The following DNAJB1 variants were observed in gnomAD, a reference collection of about 807,000 sequenced individuals.
The protein encoded by DNAJB1 is DnaJ heat shock protein family (Hsp40) member B1.
DNAJB1 carries 14 observed loss-of-function variants against 24.0 expected under a neutral mutation model. That is an observed-to-expected ratio of 0.58 (90% CI 0.39 to 0.91). The LOEUF is 0.91. Among genes scored for constraint, DNAJB1 ranks in the 40% least tolerant of loss-of-function variants. The probability of loss-of-function intolerance (pLI) is 0.00; values close to 1 mark genes in which losing one functional copy is unlikely to be tolerated. For synonymous variants in DNAJB1, 262 were observed against 174.4 expected (o/e 1.50, Z -3.96); for missense variants, 517 against 458.1 (o/e 1.13, Z -1.17).
rs71166751 is a variant in DNAJB1 at position 14,525,333 on chromosome 19, G to GT, written c.-90+2392dup. Among the ~76,000 whole-genome samples, 11 of 147,608 alleles carry GT rather than the reference G, an allele frequency of 7.5e-5. No homozygotes were observed. The East Asian group carries it at 1.2e-3, about 16-fold the overall frequency. On this transcript the variant is annotated intron_variant, in intron 2 of 3. Coordinates refer to the DNAJB1 transcript ENST00000396969. The stretch of plus-strand genomic sequence containing the variant: ...CAGCAGGGTAAAATCTACTTTTTTT[G>GT]TTTTTTTTTTTGAGATGGAGTCTCA...
At chr19:14,556,032 A>C (rs1269187439) in intron 1 of DNAJB1, among the ~76,000 whole-genome samples, 1 of 152,112 alleles carries the variant, frequency 6.6e-6, no homozygotes, top group Non-Finnish European at 1.5e-5. Context: ...TCTGCTCAAG[A>C]ACCCTCTATG....
At chr19:14,523,150 G>T (rs891886268), upstream of DNAJB1, among the ~76,000 whole-genome samples, 3 of 151,848 alleles carry the variant, frequency 2.0e-5, no homozygotes, top group Non-Finnish European at 4.4e-5. Flanking sequence ...AGGTTGCAGT[G>T]AGCCAAGATC....
chr19:14,516,106 T>C lies in DNAJB1; in HGVS notation c.857A>G (p.Lys286Arg). Residue 286 changes from lysine to arginine, a missense_variant, in exon 3 of 3, where the codon AAA (lysine) becomes AGA (arginine). Lys to Arg is a conservative substitution (Grantham distance 26). Transcript: ENST00000254322. ...LDGRTIPVVF[K>R]DVIRPGMRRK... ...CCGCATGCCAGGCCTGATAACATCT[T>C]TGAATACGACGGGTATCGTCCTGCC... is the stretch of plus-strand genomic sequence containing the variant. The C allele has an allele frequency of 5.0e-6, 8 of 1,613,886 alleles. No individual in the cohort carries two copies. Among genetic ancestry groups the C allele is most frequent in the Non-Finnish European group, 6.8e-6 (8 of 1,179,970 alleles).
chr19:14,537,172 G>T, intron 1 of DNAJB1, among the ~76,000 whole-genome samples: 1 of 133,492 alleles, frequency 7.5e-6, no homozygotes, highest in African/African-American at 2.8e-5. Context: ...AGGCGGGGCC[G>T]GGGGGGAAGG....
At chr19:14,535,582 ATATATATGTATG>A (rs2072866664) in intron 1 of DNAJB1, among the ~76,000 whole-genome samples, 3 of 38,810 alleles carry the variant, frequency 7.7e-5, no homozygotes, top group African/African-American at 2.4e-4. Flanking sequence ...ATATATATAT[ATATATATGTATG>A]TATATATAAA....
At chr19:14,558,481 A>T (rs2073808015) in intron 1 of DNAJB1, among the ~76,000 whole-genome samples, 1 of 152,084 alleles carries the variant, frequency 6.6e-6, no homozygotes, top group African/African-American at 2.4e-5. Flanking sequence ...TCGTGCTGCG[A>T]CGAGTTGCTG....
chr19:14,518,036 G>C (rs1405513532), intron 1 of DNAJB1, 103 bp downstream of exon 1: 10 of 1,253,580 alleles, frequency 8.0e-6, no homozygotes, highest in Middle Eastern at 2.9e-4. Context: ...TCGGCCCCAC[G>C]GCCCGGGGCG....
chr19:14,518,074 CCAGCGTGCCTCA>C, intron 1 of DNAJB1, 53 bp downstream of exon 1: 1 of 1,368,140 alleles, frequency 7.3e-7, no homozygotes, highest in Non-Finnish European at 9.4e-7. Context: ...CCGAGAGGGG[CCAGCGTGCCTCA>C]GTTTCCCTGT....
At chr19:14,553,410 C>T (rs1480575022), upstream of DNAJB1, among the ~76,000 whole-genome samples, 1 of 152,154 alleles carries the variant, frequency 6.6e-6, no homozygotes, top group East Asian at 1.9e-4. Flanking sequence ...TTCCTCCCCA[C>T]CCTGGGTGAC....
At chr19:14,530,335 C>T (rs1026894817), upstream of DNAJB1, 7 of 154,734 alleles carry the variant, frequency 4.5e-5, no homozygotes, top group Non-Finnish European at 8.6e-5. Context: ...AAGCCCAAGT[C>T]TTCTGACTCC....
chr19:14,551,948 TC>T (rs2073531472), upstream of DNAJB1, among the ~76,000 whole-genome samples: 1 of 23,244 alleles, frequency 4.3e-5, no homozygotes, highest in Non-Finnish European at 8.2e-5. Flanking sequence ...CCTCCCTCCC[TC>T]TCTCTCTCTC....
intron 1 of DNAJB1, among the ~76,000 whole-genome samples, chr19:14,544,672 C>T (rs1174513211): frequency 2.0e-5 from 3 of 149,108 alleles, no homozygotes; most frequent in East Asian, 2.0e-4. Flanking sequence ...CTCACTCTGT[C>T]GCCCATGCTG....
chr19:14,529,715 A>G (rs1022190739), upstream of DNAJB1: 8 of 1,614,014 alleles, frequency 5.0e-6, no homozygotes, highest in African/African-American at 8.0e-5. Context: ...TTACGAGGTA[A>G]GAAGCGAGAA....
chr19:14,542,415 G>T (rs905902243), intron 1 of DNAJB1, among the ~76,000 whole-genome samples: 14 of 134,454 alleles, frequency 1.0e-4, no homozygotes, highest in African/African-American at 3.1e-4. Context: ...AGTCTGGAGT[G>T]CAGTGGTGCA....
chr19:14,541,033 C>T (rs113417566), intron 1 of DNAJB1, among the ~76,000 whole-genome samples: 31,404 of 152,030 alleles, frequency 0.21, 3,557 homozygotes, highest in South Asian at 0.41. Flanking sequence ...ACCATGTGGG[C>T]CAGGCTGATC....
chr19:14,542,347 G>GTTTTTTT lies in DNAJB1; in HGVS notation c.-214+7854_-214+7860dup, dbSNP rs71166754. Reference sequence around the variant, plus strand: ...CCTCAGGGGGCCCTCATGCCATAGTGTTTTTTTTTTTTTTTTTTTTTTTTT... The same window carrying GTTTTTTT: ...CCTCAGGGGGCCCTCATGCCATAGTGTTTTTTTTTTTTTTTTTTTTTTTTTTTTTTTT... On this transcript the variant is annotated intron_variant, in intron 1 of 3. Transcript: ENST00000676982. Among the ~76,000 whole-genome samples, 43 of 43,300 alleles carry GTTTTTTT rather than the reference G, an allele frequency of 9.9e-4. 3 individuals carry two copies. Among genetic ancestry groups the GTTTTTTT allele is most frequent in the Middle Eastern group, 0.021 (1 of 48 alleles). The allele number at this position is 43,300 out of a possible 152,430, so 28.4% of individuals were successfully genotyped here. A position where few individuals can be genotyped will look rare whatever the true frequency, so the allele number is the denominator to read the frequency against.
At chr19:14,558,701 G>A (rs990562613) in intron 1 of DNAJB1, among the ~76,000 whole-genome samples, 1 of 152,236 alleles carries the variant, frequency 6.6e-6, no homozygotes, top group Non-Finnish European at 1.5e-5. Flanking sequence ...CTGGGACCTC[G>A]CTGACACCAG....
intron 1 of DNAJB1, among the ~76,000 whole-genome samples, chr19:14,544,407 G>T (rs1432491991): frequency 6.6e-6 from 1 of 151,976 alleles, no homozygotes; most frequent in Non-Finnish European, 1.5e-5. Flanking sequence ...CACAGGACAG[G>T]CTCAGCCGTT....
upstream of DNAJB1, chr19:14,529,745 T>C (rs201963947): frequency 1.1e-5 from 18 of 1,613,944 alleles, no homozygotes; most frequent in East Asian, 3.3e-4. Context: ...GTGTGGCCAC[T>C]GCTGACCCAT....
Sources: allele counts gnomAD v4.1 joint callset (sites outside exome capture counted in the v4.1 genomes callset), GRCh38; gene constraint gnomAD v4.1.1; transcripts MANE v1.5; gene names NCBI Gene and HGNC (gene_info 2026-07-23, HGNC 2026-07-21).